The following LDLRAD3 variants were observed in gnomAD, a reference collection of about 807,000 sequenced individuals.
The protein encoded by LDLRAD3 is low density lipoprotein receptor class A domain containing 3.
LDLRAD3 carries 20 observed loss-of-function variants against 29.4 expected under a neutral mutation model. That is an observed-to-expected ratio of 0.68 (90% CI 0.48 to 0.99). The LOEUF is 0.99. Ranked by LOEUF, LDLRAD3 falls within the 50% of genes least tolerant of loss-of-function variation. The pLI is 0.00. For synonymous variants in LDLRAD3, 157 were observed against 192.7 expected, an observed-to-expected ratio of 0.81 and a Z score of 1.53; for missense variants, 420 against 454.3, an observed-to-expected ratio of 0.92 and a Z score of 0.69.
chr11:35,988,064 C>A (rs1388098653), intron 1 of LDLRAD3, among the ~76,000 whole-genome samples: 1 of 151,772 alleles, frequency 6.6e-6, no homozygotes, highest in African/African-American at 2.4e-5. Flanking sequence ...CTTTTTTGTT[C>A]GTTTGTTTTT....
intron 4 of LDLRAD3, among the ~76,000 whole-genome samples, chr11:36,110,461 G>A (rs1174628520): frequency 6.6e-6 from 1 of 152,128 alleles, no homozygotes; most frequent in Non-Finnish European, 1.5e-5. Context: ...CAGGGATCAG[G>A]GGTAGGGCTT....
At chr11:36,022,862 G>A (rs576707181) in intron 1 of LDLRAD3, among the ~76,000 whole-genome samples, 19 of 152,304 alleles carry the variant, frequency 1.2e-4, no homozygotes, top group Non-Finnish European at 2.4e-4. Flanking sequence ...CTCTTGCAAA[G>A]GTAAATTGCT....
intron 4 of LDLRAD3, among the ~76,000 whole-genome samples, chr11:36,155,452 C>G (rs999858390): frequency 6.6e-6 from 1 of 152,170 alleles, no homozygotes; most frequent in Non-Finnish European, 1.5e-5. Flanking sequence ...ATATTGACTT[C>G]CGCGTCTGTT....
At chr11:36,034,655 A>G (rs893896919) in intron 1 of LDLRAD3, among the ~76,000 whole-genome samples, 4 of 152,168 alleles carry the variant, frequency 2.6e-5, no homozygotes, top group Non-Finnish European at 5.9e-5. Context: ...TGTCCATTGC[A>G]ATTGGTTGTT....
chr11:36,189,658 C>T (rs971943229), intron 4 of LDLRAD3, among the ~76,000 whole-genome samples: 8 of 152,024 alleles, frequency 5.3e-5, no homozygotes, highest in Admixed American at 5.2e-4. Flanking sequence ...ATACATGTGC[C>T]ATGTTGGTGT....
intron 1 of LDLRAD3, among the ~76,000 whole-genome samples, chr11:35,996,124 G>C (rs74824457): frequency 6.6e-6 from 1 of 152,176 alleles, no homozygotes; most frequent in Non-Finnish European, 1.5e-5. Flanking sequence ...CTTTCTTCCT[G>C]TCTTGGCTTT....
intron 1 of LDLRAD3, among the ~76,000 whole-genome samples, chr11:35,989,989 GTGCCTCTT>G (rs1851667232): frequency 6.6e-6 from 1 of 152,048 alleles, no homozygotes; most frequent in Non-Finnish European, 1.5e-5. Flanking sequence ...GCAATATTTG[GTGCCTCTT>G]AGCTAGTAGT....
chr11:36,039,984 C>T (rs190777862), intron 2 of LDLRAD3, among the ~76,000 whole-genome samples: 78 of 152,252 alleles, frequency 5.1e-4, no homozygotes, highest in South Asian at 6.2e-4. Context: ...GAATTTCTGC[C>T]GCCTTCCCGG....
At chr11:36,122,645 C>T (rs1386183755) in intron 4 of LDLRAD3, among the ~76,000 whole-genome samples, 1 of 152,066 alleles carries the variant, frequency 6.6e-6, no homozygotes, top group Admixed American at 6.5e-5. Flanking sequence ...ATCCCCAGCC[C>T]CTAGGAGCCT....
chr11:36,081,468 A>G (rs185910910), intron 2 of LDLRAD3, among the ~76,000 whole-genome samples, 185 bp from the exon 3 acceptor site: 17 of 152,266 alleles, frequency 1.1e-4, no homozygotes, highest in Middle Eastern at 3.4e-3. Context: ...TCTCTAGACA[A>G]TGTGGCGTGT....
chr11:35,985,326 A>G (rs1157351662), intron 1 of LDLRAD3, among the ~76,000 whole-genome samples: 2 of 152,132 alleles, frequency 1.3e-5, no homozygotes, highest in South Asian at 2.1e-4. Flanking sequence ...GTAAATCTCT[A>G]GCATTTTGAG....
At chr11:36,025,774 ATTTTTTTTT>A (rs754006718) in intron 1 of LDLRAD3, among the ~76,000 whole-genome samples, 1 of 84,414 alleles carries the variant, frequency 1.2e-5, no homozygotes, top group Non-Finnish European at 2.3e-5. Context: ...CCTGAATTTG[ATTTTTTTTT>A]TTTTTTTTTT....
chr11:36,033,415 T>C (rs1292502303), intron 1 of LDLRAD3, among the ~76,000 whole-genome samples: 3 of 152,210 alleles, frequency 2.0e-5, no homozygotes, highest in Non-Finnish European at 4.4e-5. Flanking sequence ...GTCAAGTCCA[T>C]GTGCCGCCAG....
chr11:36,144,429 A>G (rs1168314019), intron 4 of LDLRAD3, among the ~76,000 whole-genome samples: 10 of 137,862 alleles, frequency 7.3e-5, no homozygotes, highest in African/African-American at 2.4e-4. Flanking sequence ...CTGGCTGCCC[A>G]GTCTGGAAAG....
At position 35,980,597 on chromosome 11, in the gene LDLRAD3, C is replaced by T. The variant is rs1001858363; in HGVS notation, c.46+36453C>T. The stretch of plus-strand genomic sequence containing the variant: ...CTCCTGGGCCTTGTGAAAGTATTTT[C>T]TGGTTTTCCAAATGCGAACAGGTGC... On this transcript the variant is annotated intron_variant, in intron 1 of 5. Coordinates refer to ENST00000315571, the MANE Select transcript of LDLRAD3 (RefSeq NM_174902.4). Among the ~76,000 whole-genome samples, 7 of 152,260 alleles carry T rather than the reference C, an allele frequency of 4.6e-5. No individual in the cohort carries two copies. The South Asian group carries it at 1.4e-3, about 32-fold the overall frequency.
At chr11:36,107,028 A>G (rs1590272514) in intron 4 of LDLRAD3, among the ~76,000 whole-genome samples, 3 of 152,310 alleles carry the variant, frequency 2.0e-5, no homozygotes, top group Non-Finnish European at 4.4e-5. Context: ...CCTGCAGCTC[A>G]GGATCTGTCC....
intron 2 of LDLRAD3, among the ~76,000 whole-genome samples, chr11:36,071,466 T>G (rs1231262829): frequency 6.6e-6 from 1 of 152,160 alleles, no homozygotes; most frequent in African/African-American, 2.4e-5. Flanking sequence ...CATTGTTTAT[T>G]GAAAACACCC....
chr11:36,077,515 T>C (rs1188585479), intron 2 of LDLRAD3, among the ~76,000 whole-genome samples: 1 of 151,976 alleles, frequency 6.6e-6, no homozygotes. Flanking sequence ...TGCAGAACAG[T>C]GAGGGTTGTG....
chr11:36,064,815 A>G (rs929422275), intron 2 of LDLRAD3, among the ~76,000 whole-genome samples: 2 of 152,166 alleles, frequency 1.3e-5, no homozygotes, highest in East Asian at 1.9e-4. Flanking sequence ...ATTTCCACAT[A>G]CTTGTGAGTT....
Sources: allele counts gnomAD v4.1 joint callset (sites outside exome capture counted in the v4.1 genomes callset), GRCh38; gene constraint gnomAD v4.1.1; transcripts MANE v1.5; gene names NCBI Gene and HGNC (gene_info 2026-07-23, HGNC 2026-07-21).